Variants in CELF2 observed in about 807,000 individuals in gnomAD.
CELF2 encodes the protein CUG triplet repeat RNA-binding protein 2.
CELF2 carries 8 observed loss-of-function variants against 62.6 expected under a neutral mutation model. The observed-to-expected ratio is 0.13, with a 90% CI of 0.07 to 0.23. CELF2 has a LOEUF of 0.23. Among genes scored for constraint, CELF2 ranks in the 10% least tolerant of loss-of-function variants. The pLI is 1.00. For missense variants in CELF2, 333 were observed against 671.0 expected (o/e 0.50, Z 5.56); for synonymous variants, 258 against 250.0 (o/e 1.03, Z -0.30).
At chr10:10,610,989 A>T in the CELF2 span, among the ~76,000 whole-genome samples, 160 of 152,268 alleles carry the variant, frequency 1.1e-3, no homozygotes, top group African/African-American at 3.7e-3. Flanking sequence ...GTCTTTTAGG[A>T]TTGGAAAATG....
In CELF2 at chr10:11,261,548, A is replaced by G. The variant is rs375902007; in HGVS notation, c.538+3676A>G. 5.3e-5 allele frequency among the ~76,000 whole-genome samples: 8 copies of G among 152,184 alleles called. No homozygotes were observed. The East Asian group carries it at 9.7e-4, about 18-fold the overall frequency. On this transcript the variant is annotated intron_variant, in intron 5 of 12. Coordinates refer to ENST00000633077, the MANE Select transcript of CELF2 (RefSeq NM_001326342.2). ...ACCCTCAGGAAATTGTCACGACTCT[A>G]CGTGGAAAGCACCTAACACCTGCCA...
At chr10:11,055,786 GTCTTT>G (rs2065111314) in intron 1 of CELF2, among the ~76,000 whole-genome samples, 1 of 152,178 alleles carries the variant, frequency 6.6e-6, no homozygotes, top group Non-Finnish European at 1.5e-5. Context: ...TTACATGTGA[GTCTTT>G]TCTTCTTTTC....
intron 1 of CELF2, among the ~76,000 whole-genome samples, chr10:11,129,347 GT>G (rs1466060911): frequency 2.6e-4 from 40 of 151,398 alleles, no homozygotes. Flanking sequence ...CTCTTTTTTT[GT>G]TGTGTCTCTG....
At chr10:10,744,280 C>G in the CELF2 span, among the ~76,000 whole-genome samples, 1 of 152,160 alleles carries the variant, frequency 6.6e-6, no homozygotes, top group Non-Finnish European at 1.5e-5. Context: ...CTAAATCATT[C>G]AAATGCATAT....
chr10:10,588,010 A>G, the CELF2 span, among the ~76,000 whole-genome samples: 1 of 132,138 alleles, frequency 7.6e-6, no homozygotes, highest in East Asian at 2.6e-4. Flanking sequence ...GAAAAGGTAA[A>G]GATGTAATTT....
At chr10:10,516,048 C>T in the CELF2 span, among the ~76,000 whole-genome samples, 135 of 152,118 alleles carry the variant, frequency 8.9e-4, no homozygotes, top group African/African-American at 3.2e-3. Context: ...AGATACTGGA[C>T]TGAGGAAATG....
chr10:10,929,290 C>G (rs989460760), intron 2 of CELF2, among the ~76,000 whole-genome samples: 4 of 152,142 alleles, frequency 2.6e-5, no homozygotes, highest in African/African-American at 7.2e-5. Context: ...ATGTTATTAT[C>G]TCTGCCTCAG....
chr10:11,100,011 G>T (rs1433294320), intron 1 of CELF2, among the ~76,000 whole-genome samples: 1 of 151,724 alleles, frequency 6.6e-6, no homozygotes, highest in Non-Finnish European at 1.5e-5. Context: ...GATCAGCCTA[G>T]CCAACATGGC....
At chr10:10,954,668 T>C (rs951926390) in intron 2 of CELF2, among the ~76,000 whole-genome samples, 2 of 152,332 alleles carry the variant, frequency 1.3e-5, no homozygotes, top group East Asian at 1.9e-4. Context: ...TATCTAATCC[T>C]GCACCGTTTG....
chr10:10,910,175 C>T lies in CELF2; in HGVS notation c.54-9789C>T, dbSNP rs573761706. 9.2e-5 allele frequency among the ~76,000 whole-genome samples: 14 copies of T among 152,218 alleles called. No individual in the cohort carries two copies. The East Asian group carries it at 2.5e-3, about 27-fold the overall frequency. The stretch of plus-strand genomic sequence containing the variant: ...ATTGCAAAATAGGCATCCTTTTAAA[C>T]GAACTTATATAAAATTTTTGTTTTT... On this transcript the variant is annotated intron_variant, in intron 1 of 13. Transcript: ENST00000636488.
the CELF2 span, among the ~76,000 whole-genome samples, chr10:10,614,418 G>A: frequency 6.6e-6 from 1 of 152,080 alleles, no homozygotes; most frequent in African/African-American, 2.4e-5. Context: ...CATCCGGAAG[G>A]CAGTTCTCCA....
At chr10:10,498,121 A>C in the CELF2 span, among the ~76,000 whole-genome samples, 4 of 152,152 alleles carry the variant, frequency 2.6e-5, no homozygotes, top group African/African-American at 9.7e-5. Context: ...AGAGTCAAGG[A>C]CTACACCAAA....
intron 4 of CELF2, among the ~76,000 whole-genome samples, chr10:11,250,442 T>C (rs1017378856): frequency 6.6e-5 from 10 of 152,246 alleles, no homozygotes; most frequent in African/African-American, 2.4e-4. Flanking sequence ...TAATTCGTTT[T>C]TTTCTCTACT....
At chr10:10,562,132 A>G in the CELF2 span, among the ~76,000 whole-genome samples, 4 of 152,314 alleles carry the variant, frequency 2.6e-5, no homozygotes, top group Non-Finnish European at 2.9e-5. Flanking sequence ...GGTTATTAGG[A>G]CAAGATTTTA....
chr10:10,962,048 T>C (rs1378034761), intron 2 of CELF2, among the ~76,000 whole-genome samples: 1 of 147,988 alleles, frequency 6.8e-6, no homozygotes. Flanking sequence ...GGCAACATTA[T>C]AGGAGACCCC....
the CELF2 span, among the ~76,000 whole-genome samples, chr10:10,539,287 G>A: frequency 7.2e-5 from 11 of 152,210 alleles, no homozygotes; most frequent in Admixed American, 5.2e-4. Flanking sequence ...ATTTAGGTCG[G>A]AGGACTTAGC....
At chr10:10,751,709 G>C in the CELF2 span, among the ~76,000 whole-genome samples, 1 of 152,012 alleles carries the variant, frequency 6.6e-6, no homozygotes, top group African/African-American at 2.4e-5. Context: ...TGATAGTAGA[G>C]GTGGATCAGC....
rs1470630560 is a variant in CELF2 at position 11,331,432 on chromosome 10, G to A, written c.*2379G>A. Reference sequence around the variant, plus strand: ...TTTTTTAATTGTGGACTATTTAGATGTGTTTGTGTTCAGCAAAATGTGATG... The same window carrying A: ...TTTTTTAATTGTGGACTATTTAGATATGTTTGTGTTCAGCAAAATGTGATG... On this transcript the variant is annotated 3_prime_UTR_variant, in exon 13 of 13. Coordinates refer to ENST00000633077, the MANE Select transcript of CELF2 (RefSeq NM_001326342.2). The A allele has an allele frequency of 7.2e-6, 1 of 138,670 alleles. No individual in the cohort carries two copies. Among genetic ancestry groups the A allele is most frequent in the African/African-American group, 2.7e-5 (1 of 36,682 alleles). The allele number at this position is 138,670 out of a possible 1,614,324, so 8.6% of individuals were successfully genotyped here.
the CELF2 span, among the ~76,000 whole-genome samples, chr10:10,766,506 G>C: frequency 2.5e-3 from 376 of 152,304 alleles, 2 homozygotes; most frequent in African/African-American, 8.5e-3. Context: ...GGGGTCAGGT[G>C]TAAGGGACCT....
Sources: gnomAD v4.1 joint callset for allele counts (sites outside exome capture counted in the v4.1 genomes callset) on GRCh38, gnomAD v4.1.1 for gene constraint, MANE v1.5 for transcripts, NCBI Gene and HGNC (gene_info 2026-07-23, HGNC 2026-07-21) for gene names.